The following ELP6 variants were observed in gnomAD, a reference collection of about 807,000 sequenced individuals.
ELP6 encodes the protein elongator acetyltransferase complex subunit 6, also known as elongator complex protein 6.
Under a neutral mutation model 28.1 loss-of-function variants are expected in ELP6, and 23 were observed. That is an observed-to-expected ratio of 0.82 (90% CI 0.59 to 1.16). The LOEUF (loss-of-function observed/expected upper bound fraction) is 1.16. Among genes scored for constraint, ELP6 ranks in the 50% most tolerant of loss-of-function variants. ELP6 has a pLI of 0.00. For synonymous variants in ELP6, 132 were observed against 135.8 expected (o/e 0.97, Z 0.19); for missense variants, 313 against 334.6 (o/e 0.94, Z 0.50).
In ELP6 at chr3:47,510,249, A is replaced by C. The variant is rs1174333002; in HGVS notation, c.139T>G (p.Cys47Gly). The C allele has an allele frequency of 1.9e-6, 3 of 1,612,906 alleles. No homozygotes were observed. In the South Asian group the frequency reaches 3.3e-5, roughly 18 times the overall value. The change falls in exon 3 of 7, where the codon TGT (cysteine) becomes GGT (glycine). Residue 47 changes from cysteine to glycine, a missense_variant. Transcript: ENST00000296149. ...HFLSFYLKAN[C>G]KVCFVALIQS... Reference sequence around the variant, plus strand: ...ATGAGTGCCACAAAGCAGACTTTACAATTAGCTAGAAAACAAAACAATTAT... The same window carrying C: ...ATGAGTGCCACAAAGCAGACTTTACCATTAGCTAGAAAACAAAACAATTAT...
intron 3 of ELP6, among the ~76,000 whole-genome samples, chr3:47,508,765 CTTTT>C (rs1218072845): frequency 7.6e-6 from 1 of 132,196 alleles, no homozygotes. Context: ...TTTTTTTTTC[CTTTT>C]TTTTTTTTTT....
At chr3:47,509,349 A>T (rs17079695) in intron 3 of ELP6, among the ~76,000 whole-genome samples, 7,567 of 152,308 alleles carry the variant, frequency 0.05, 617 homozygotes, top group African/African-American at 0.17. Flanking sequence ...AAACCAAAAA[A>T]CAGCCCTTCA....
At chr3:47,506,212 G>A (rs1256281980) in intron 3 of ELP6, among the ~76,000 whole-genome samples, 2 of 152,162 alleles carry the variant, frequency 1.3e-5, no homozygotes, top group Non-Finnish European at 2.9e-5. Context: ...TATTTCACAA[G>A]GTAATAGAAT....
chr3:47,503,233 C>T (rs1708719331), intron 4 of ELP6: 3 of 1,203,318 alleles, frequency 2.5e-6, no homozygotes, highest in South Asian at 3.0e-5. Context: ...CATGGCCTCA[C>T]ACCCACTGCA....
chr3:47,512,486 G>A, intron 1 of ELP6: 1 of 450,356 alleles, frequency 2.2e-6, no homozygotes, highest in Non-Finnish European at 2.9e-6. Context: ...CGGGAGGTGA[G>A]GTTGCAGGGA....
chr3:47,510,402 CT>C (rs1708980871), intron 2 of ELP6, 148 bp from the exon 3 acceptor site: 1 of 621,206 alleles, frequency 1.6e-6, no homozygotes. Flanking sequence ...CTAAGATGTA[CT>C]TTTTTTCTTA....
chr3:47,508,247 A>G (rs975586710), intron 3 of ELP6, among the ~76,000 whole-genome samples: 19 of 152,136 alleles, frequency 1.2e-4, no homozygotes, highest in Non-Finnish European at 5.9e-5. Flanking sequence ...TTATGTATGT[A>G]TGTATGTATT....
chr3:47,512,964 C>T (rs2029906665), intron 1 of ELP6: 2 of 985,956 alleles, frequency 2.0e-6, no homozygotes, highest in Admixed American at 6.2e-5. Context: ...ATAACCCAAC[C>T]CCACTGTCGG....
At chr3:47,512,752 G>GGAA in intron 1 of ELP6, 1 of 962,962 alleles carries the variant, frequency 1.0e-6, no homozygotes, top group South Asian at 4.8e-5. Flanking sequence ...ATCACAAGGA[G>GGAA]GAAGAGTAAG....
chr3:47,497,375 C>T (rs902008740), intron 6 of ELP6: 72 of 981,928 alleles, frequency 7.3e-5, no homozygotes, highest in Non-Finnish European at 8.5e-5. Flanking sequence ...CTCACTCTGT[C>T]GCCCAGGCTG....
chr3:47,507,230 A>C (rs1248714136), intron 3 of ELP6, among the ~76,000 whole-genome samples: 1 of 151,982 alleles, frequency 6.6e-6, no homozygotes, highest in Non-Finnish European at 1.5e-5. Context: ...GTATGGTGGC[A>C]CATGCCTGTA....
intron 2 of ELP6, 35 bp downstream of exon 2, chr3:47,511,112 TG>T (rs771038790): frequency 2.9e-5 from 45 of 1,568,044 alleles, no homozygotes; most frequent in Middle Eastern, 1.7e-4. Flanking sequence ...GCACCCATCT[TG>T]GGTTTCTTTT....
intron 4 of ELP6, chr3:47,503,066 C>T: frequency 9.6e-7 from 1 of 1,041,602 alleles, no homozygotes; most frequent in Non-Finnish European, 1.2e-6. Context: ...CCTTATGCTC[C>T]AGGGATGAGC....
intron 4 of ELP6, chr3:47,503,069 G>GGAT: frequency 1.9e-6 from 2 of 1,042,934 alleles, no homozygotes; most frequent in Non-Finnish European, 2.3e-6. Flanking sequence ...TATGCTCCAG[G>GGAT]GATGAGCCCC....
chr3:47,500,572 T>C (rs1708620225), intron 5 of ELP6, among the ~76,000 whole-genome samples: 1 of 152,120 alleles, frequency 6.6e-6, no homozygotes, highest in African/African-American at 2.4e-5. Flanking sequence ...AAAGAAGTAT[T>C]CTTACAAAAA....
chr3:47,502,955 A>G (rs1244770589), intron 4 of ELP6, among the ~76,000 whole-genome samples: 1 of 152,204 alleles, frequency 6.6e-6, no homozygotes, highest in Non-Finnish European at 1.5e-5. Flanking sequence ...GACACAAGCC[A>G]GCTTGCCTAT....
At chr3:47,498,649 A>AT in intron 5 of ELP6, 1 of 985,350 alleles carries the variant, frequency 1.0e-6, no homozygotes, top group Non-Finnish European at 1.2e-6. Context: ...GAGCCAACCC[A>AT]TATTTTCAGC....
rs191041013 is a variant in ELP6 at position 47,497,842 on chromosome 3, A to G, written c.672+444T>C. The stretch of plus-strand genomic sequence containing the variant: ...AAGTACTAGGAAGGCTGAGGCAGAG[A>G]ATTGCTTGAACCCAGGAGGCGGAGG... On this transcript the variant is annotated intron_variant, in intron 6 of 6. Coordinates refer to ENST00000296149, the MANE Select transcript of ELP6 (RefSeq NM_001031703.3). The G allele has an allele frequency of 3.5e-4, 159 of 454,526 alleles. 3 individuals carry two copies. Among genetic ancestry groups the G allele is most frequent in the African/African-American group, 3.2e-3 (150 of 46,970 alleles). The allele number at this position is 454,526 out of a possible 1,614,324, so 28.2% of individuals were successfully genotyped here.
In ELP6 at chr3:47,498,522, T is replaced by G. The variant is rs1708547041; in HGVS notation, c.526-90A>C. The G allele has an allele frequency of 3.2e-6, 5 of 1,556,978 alleles. No individual in the cohort carries two copies. The Admixed American group carries it at 8.6e-5, about 27-fold the overall frequency. On this transcript the variant is annotated intron_variant, in intron 5 of 6. Coordinates refer to ENST00000296149, the MANE Select transcript of ELP6 (RefSeq NM_001031703.3). ...CAGCCTCTCGTTGCCTCCACTCCCC[T>G]GTACATCCTCTCACAGATCACCCTC...
Sources: gnomAD v4.1 joint callset for allele counts (sites outside exome capture counted in the v4.1 genomes callset) on GRCh38, gnomAD v4.1.1 for gene constraint, MANE v1.5 for transcripts, NCBI Gene and HGNC (gene_info 2026-07-23, HGNC 2026-07-21) for gene names.